The following NRXN1 variants were observed in gnomAD, a reference collection of about 807,000 sequenced individuals.
NRXN1 encodes neurexin-1.
In NRXN1, 39 loss-of-function variants were observed where a neutral mutation model predicts 150.9. The observed-to-expected ratio is 0.26, with a 90% CI of 0.20 to 0.34. The LOEUF (loss-of-function observed/expected upper bound fraction) is 0.34. Among genes scored for constraint, NRXN1 ranks in the 10% least tolerant of loss-of-function variants. NRXN1 has a pLI of 1.00. For synonymous variants in NRXN1, 924 were observed against 757.0 expected, an observed-to-expected ratio of 1.22 and a Z score of -3.62; for missense variants, 1,815 against 1,949.9, an observed-to-expected ratio of 0.93 and a Z score of 1.30.
intron 18 of NRXN1, among the ~76,000 whole-genome samples, chr2:50,098,830 GTTTT>G (rs746736925): frequency 3.8e-5 from 4 of 105,566 alleles, no homozygotes; most frequent in African/African-American, 1.4e-4. Context: ...TTTGGTTTTA[GTTTT>G]TTTTTTTTTT....
At chr2:50,091,611 A>G (rs1183550052) in intron 18 of NRXN1, 117 bp from the exon 19 acceptor site, 1 of 1,070,578 alleles carries the variant, frequency 9.3e-7, no homozygotes, top group African/African-American at 1.6e-5. Flanking sequence ...CTTTCCTCCA[A>G]TTTTACTTCT....
At chr2:50,202,945 A>T (rs1431977071) in intron 18 of NRXN1, among the ~76,000 whole-genome samples, 4 of 152,120 alleles carry the variant, frequency 2.6e-5, no homozygotes, top group African/African-American at 9.7e-5. Flanking sequence ...AGTGAAAGGG[A>T]CACAGACCAG....
At chr2:49,965,336 G>A (rs973977615) in intron 21 of NRXN1, among the ~76,000 whole-genome samples, 4 of 151,454 alleles carry the variant, frequency 2.6e-5, no homozygotes, top group African/African-American at 4.9e-5. Flanking sequence ...GCTCCATCTC[G>A]GCTCACTGCA....
chr2:50,048,477 G>T (rs1035294252), intron 21 of NRXN1, among the ~76,000 whole-genome samples: 2 of 152,042 alleles, frequency 1.3e-5, no homozygotes, highest in African/African-American at 4.8e-5. Context: ...GTTCTTTGAA[G>T]TTGCAAAATG....
At chr2:50,926,448 T>G (rs1686903472) in intron 2 of NRXN1, among the ~76,000 whole-genome samples, 1 of 152,010 alleles carries the variant, frequency 6.6e-6, no homozygotes, top group Non-Finnish European at 1.5e-5. Flanking sequence ...TGCCTTTTAG[T>G]ATTTCTAATA....
intron 17 of NRXN1, among the ~76,000 whole-genome samples, chr2:50,269,755 T>C (rs1346345998): frequency 1.3e-5 from 2 of 152,064 alleles, no homozygotes. Context: ...ATTATTGTGT[T>C]ACAAAAAAAC....
At position 50,193,501 on chromosome 2, in the gene NRXN1, T is replaced by C. The variant is rs150132136; in HGVS notation, c.3546+43288A>G. ...TTTATAAACTGTGGCATATTAGTGATTGATATTATGTATAACCTTGGGTAG... is the reference window on the plus strand; with the variant it reads ...TTTATAAACTGTGGCATATTAGTGACTGATATTATGTATAACCTTGGGTAG... On this transcript the variant is annotated intron_variant, in intron 18 of 22. Transcript: ENST00000401669. 7.3e-3 allele frequency among the ~76,000 whole-genome samples: 1,115 copies of C among 152,292 alleles called. 11 individuals are homozygous for C. The highest frequency in any genetic ancestry group is 0.023 in the African/African-American group (958 of 41,562).
chr2:50,118,876 G>C (rs1435984829), intron 18 of NRXN1, among the ~76,000 whole-genome samples: 2 of 152,022 alleles, frequency 1.3e-5, no homozygotes, highest in Non-Finnish European at 2.9e-5. Flanking sequence ...CCAGCAGGAA[G>C]GATTTTGTTG....
chr2:50,889,766 C>T (rs1480406496), intron 5 of NRXN1, among the ~76,000 whole-genome samples: 2 of 151,468 alleles, frequency 1.3e-5, no homozygotes, highest in Non-Finnish European at 3.0e-5. Flanking sequence ...AATGTAAATA[C>T]TAATAAAATG....
chr2:50,913,848 G>C (rs1055244242), intron 5 of NRXN1, among the ~76,000 whole-genome samples: 1 of 151,636 alleles, frequency 6.6e-6, no homozygotes, highest in African/African-American at 2.4e-5. Flanking sequence ...CCCGAAAATG[G>C]TAGCTATTAT....
At chr2:51,021,576 A>C (rs1299790264) in intron 2 of NRXN1, among the ~76,000 whole-genome samples, 1 of 151,906 alleles carries the variant, frequency 6.6e-6, no homozygotes, top group African/African-American at 2.4e-5. Flanking sequence ...ACACAATTTT[A>C]TGCTGAAAAA....
intron 15 of NRXN1, among the ~76,000 whole-genome samples, chr2:50,488,001 G>C (rs2090999513): frequency 6.6e-6 from 1 of 152,134 alleles, no homozygotes; most frequent in African/African-American, 2.4e-5. Flanking sequence ...AACAAATGCT[G>C]CTCACTCAAG....
chr2:50,074,455 T>C lies in NRXN1; in HGVS notation c.3718+16868A>G, dbSNP rs188371049. Reference sequence around the variant, plus strand: ...ATGAATAAACTCATAAACAAGTTACTATATCTTCTGTAAAATGGGGATAAT... The same window carrying C: ...ATGAATAAACTCATAAACAAGTTACCATATCTTCTGTAAAATGGGGATAAT... On this transcript the variant is annotated intron_variant, in intron 19 of 22. Transcript: ENST00000401669. Among the ~76,000 whole-genome samples the C allele has an allele frequency of 2.6e-5, 4 of 152,298 alleles. No homozygotes were observed. The East Asian group carries it at 7.7e-4, about 29-fold the overall frequency.
At chr2:50,134,661 G>C (rs536072572) in intron 18 of NRXN1, among the ~76,000 whole-genome samples, 2 of 152,176 alleles carry the variant, frequency 1.3e-5, no homozygotes, top group African/African-American at 2.4e-5. Context: ...AGAAATCATC[G>C]CTTTTTCTCT....
chr2:50,045,467 C>A (rs890515688), intron 21 of NRXN1, among the ~76,000 whole-genome samples: 10 of 152,130 alleles, frequency 6.6e-5, no homozygotes, highest in Admixed American at 4.6e-4. Flanking sequence ...GCCTCAGCCT[C>A]CCAAGTAGCT....
chr2:49,932,930 A>T (rs1670385318), intron 22 of NRXN1, among the ~76,000 whole-genome samples: 1 of 152,144 alleles, frequency 6.6e-6, no homozygotes, highest in African/African-American at 2.4e-5. Flanking sequence ...CCAAAATTCA[A>T]ACTCAGGTCT....
intron 8 of NRXN1, among the ~76,000 whole-genome samples, chr2:50,610,283 G>C (rs1056949305): frequency 6.6e-6 from 1 of 151,886 alleles, no homozygotes; most frequent in Non-Finnish European, 1.5e-5. Flanking sequence ...TCTTAGCAAT[G>C]TGTTTTCTGA....
At chr2:50,268,374 A>G (rs1407408864) in intron 17 of NRXN1, among the ~76,000 whole-genome samples, 1 of 152,186 alleles carries the variant, frequency 6.6e-6, no homozygotes, top group Non-Finnish European at 1.5e-5. Flanking sequence ...CTTTCTTATT[A>G]TCCTACTTAG....
intron 2 of NRXN1, among the ~76,000 whole-genome samples, chr2:51,012,454 A>T (rs1002774863): frequency 6.6e-6 from 1 of 152,064 alleles, no homozygotes; most frequent in Non-Finnish European, 1.5e-5. Flanking sequence ...TTTTTGCTTC[A>T]ACTGAGGATA....
Sources: gnomAD v4.1 joint callset for allele counts (sites outside exome capture counted in the v4.1 genomes callset) on GRCh38, gnomAD v4.1.1 for gene constraint, MANE v1.5 for transcripts, NCBI Gene and HGNC (gene_info 2026-07-23, HGNC 2026-07-21) for gene names.